Variants in RNASE11 observed in about 807,000 individuals in gnomAD.
RNASE11 encodes ribonuclease A family member 11 (inactive), also known as putative inactive ribonuclease 11.
For synonymous variants in RNASE11, 105 were observed against 86.1 expected (o/e 1.22, Z -1.21); for missense variants, 252 against 237.8 (o/e 1.06, Z -0.39).
In RNASE11 at chr14:20,584,074, G is replaced by A. The variant is rs781737253; in HGVS notation, c.401C>T (p.Ala134Val). 10 of 1,614,024 alleles carry A rather than the reference G, an allele frequency of 6.2e-6. No homozygotes were observed. The Admixed American group carries it at 1.3e-4, about 22-fold the overall frequency. The stretch of plus-strand genomic sequence containing the variant: ...ATTCTGTACAAACTTGCAGCTGGGG[G>A]CCCTGTGGACCCTGCGCATCACTTC... Residue 134 changes from alanine (A) to valine (V), a missense_variant, in exon 2 of 2, where the codon GCC becomes GTC. Coordinates refer to ENST00000553849, the Ensembl canonical transcript of RNASE11.
At chr14:20,584,468 T>A (rs1025324560) in exon 2 of RNASE11, 2 of 1,589,254 alleles carry the variant, frequency 1.3e-6, no homozygotes, top group Non-Finnish European at 1.7e-6. Flanking sequence ...AGAGGAAAGG[T>A]CTCCATCTCA....
upstream of RNASE11, chr14:20,590,125 C>T (rs985038253): frequency 9.6e-6 from 13 of 1,357,638 alleles, no homozygotes; most frequent in African/African-American, 1.9e-4. Flanking sequence ...TAAAACAATC[C>T]CAACCCAGCA....
intron 1 of RNASE11, among the ~76,000 whole-genome samples, chr14:20,586,899 C>T (rs1461497324): frequency 1.3e-5 from 2 of 152,322 alleles, no homozygotes; most frequent in South Asian, 2.1e-4. Flanking sequence ...CCTGTGGTCT[C>T]ATTGCTTTGG....
At chr14:20,589,647 G>T (rs1316066795), upstream of RNASE11, among the ~76,000 whole-genome samples, 1 of 152,126 alleles carries the variant, frequency 6.6e-6, no homozygotes, top group Non-Finnish European at 1.5e-5. Flanking sequence ...AGCACTTTGA[G>T]AGGCTGAGGT....
chr14:20,584,217 G>A lies in RNASE11; in HGVS notation c.258C>T (p.Pro86=), dbSNP rs369660731. The A allele has an allele frequency of 5.6e-6, 9 of 1,614,024 alleles. No individual in the cohort carries two copies. The African/African-American group carries it at 1.1e-4, about 19-fold the overall frequency. Reference sequence around the variant, plus strand: ...TGTCATTACCCGAACTGTTTCCCTTGGGGTCATTATAATGTAAACTTCTGA... The same window carrying A: ...TGTCATTACCCGAACTGTTTCCCTTAGGGTCATTATAATGTAAACTTCTGA... The change falls in exon 2 of 2, where the codon CCC becomes CCT. Residue 86 remains proline (P), a synonymous_variant. Coordinates refer to ENST00000553849, the Ensembl canonical transcript of RNASE11.
intron 1 of RNASE11, among the ~76,000 whole-genome samples, chr14:20,586,942 A>T (rs1363135259): frequency 6.6e-6 from 1 of 152,188 alleles, no homozygotes; most frequent in African/African-American, 2.4e-5. Context: ...TTGAGGCCAG[A>T]AGTTCAAGAC....
upstream of RNASE11, among the ~76,000 whole-genome samples, chr14:20,588,612 T>C (rs1161402970): frequency 2.6e-5 from 4 of 152,136 alleles, no homozygotes; most frequent in South Asian, 2.1e-4. Flanking sequence ...GAGTTGTATA[T>C]GCTATCTTTA....
chr14:20,590,162 G>A (rs761954087), upstream of RNASE11: 48 of 1,495,454 alleles, frequency 3.2e-5, no homozygotes, highest in Admixed American at 6.2e-4. Context: ...TTAATTACCA[G>A]TGGCTTCCCC....
rs1884392060 is a variant in RNASE11, at chr14:20,584,514, A to C, written c.-22-18T>G. 2.0e-6 allele frequency: 3 copies of C among 1,517,804 alleles called. No homozygotes were observed. The African/African-American group carries it at 4.2e-5, about 21-fold the overall frequency. 94.0% of individuals were successfully genotyped at this position (1,517,804 alleles called of 1,614,324 possible). On this transcript the variant is annotated intron_variant, in intron 1 of 1. Coordinates refer to ENST00000553849, the Ensembl canonical transcript of RNASE11. The stretch of plus-strand genomic sequence containing the variant: ...AATCTCTTCTGCAGTAAAGACAATA[A>C]ATGAAAGATAAAATAAGAAGATTAA...
chr14:20,584,439 G>A (rs112127139), exon 2 of RNASE11: 2 of 1,608,058 alleles, frequency 1.2e-6, no homozygotes, highest in Non-Finnish European at 1.7e-6. Flanking sequence ...CAAGAACCAG[G>A]CCCAGGCTGA....
At chr14:20,588,018 AT>A (rs1884472461), upstream of RNASE11, 1 of 173,600 alleles carries the variant, frequency 5.8e-6, no homozygotes, top group Non-Finnish European at 1.1e-5. Context: ...CACATACAGG[AT>A]TGAAATGCCA....
chr14:20,590,254 T>C (rs544250115), upstream of RNASE11: 60 of 1,607,450 alleles, frequency 3.7e-5, 2 homozygotes, highest in South Asian at 6.4e-4. Context: ...AGAGAAGAGA[T>C]CTCAGACTCG....
At chr14:20,584,191 T>A (rs768334192) in exon 2 of RNASE11, 2 of 1,614,100 alleles carry the variant, frequency 1.2e-6, no homozygotes, top group East Asian at 4.5e-5. Context: ...GCAACACTCT[T>A]TGTCATTACC....
rs114810430 is a variant in RNASE11 at position 20,584,903 on chromosome 14, T to C, written c.-22-407A>G. 1,125 of 190,142 alleles carry C rather than the reference T, an allele frequency of 5.9e-3. 14 individuals are homozygous for C. Among genetic ancestry groups the C allele is most frequent in the African/African-American group, 0.025 (1,063 of 42,214 alleles). 11.8% of individuals were successfully genotyped at this position (190,142 alleles called of 1,614,324 possible). The stretch of plus-strand genomic sequence containing the variant: ...ATTCCCTCACCATTACTGTATCTCC[T>C]ATAGCCTCATATAGAACCTGGCACA... On this transcript the variant is annotated intron_variant, in intron 1 of 1. Coordinates refer to ENST00000553849, the Ensembl canonical transcript of RNASE11.
At chr14:20,584,005 A>G (rs770011923) in exon 2 of RNASE11, 3 of 1,614,062 alleles carry the variant, frequency 1.9e-6, no homozygotes, top group Non-Finnish European at 2.5e-6. Context: ...GAACTGGCAC[A>G]CTGTATTTTC....
chr14:20,584,160 T>A (rs145121063), exon 2 of RNASE11: 2 of 1,614,204 alleles, frequency 1.2e-6, no homozygotes, highest in African/African-American at 1.3e-5. Flanking sequence ...CTGAAACTTT[T>A]CTCCAGACTG....
intron 1 of RNASE11, 141 bp downstream of exon 2, chr14:20,587,422 C>A (rs1207666971): frequency 4.0e-6 from 1 of 251,970 alleles, no homozygotes; most frequent in African/African-American, 2.3e-5. Flanking sequence ...ACAACAAAAC[C>A]TAGGGAGAGG....
At chr14:20,589,466 G>A (rs111256329), upstream of RNASE11, among the ~76,000 whole-genome samples, 1 of 151,240 alleles carries the variant, frequency 6.6e-6, no homozygotes, top group Non-Finnish European at 1.5e-5. Flanking sequence ...TGTTAGCCAG[G>A]ATGGTCTCGA....
At chr14:20,586,394 T>C (rs1192463026) in intron 1 of RNASE11, among the ~76,000 whole-genome samples, 1 of 152,242 alleles carries the variant, frequency 6.6e-6, no homozygotes, top group Non-Finnish European at 1.5e-5. Flanking sequence ...GAACTTCTTA[T>C]CATTCCCTTC....
Sources: gnomAD v4.1 joint callset for allele counts (sites outside exome capture counted in the v4.1 genomes callset) on GRCh38, gnomAD v4.1.1 for gene constraint, MANE v1.5 for transcripts, NCBI Gene and HGNC (gene_info 2026-07-23, HGNC 2026-07-21) for gene names.